Variants in PTPRN2 observed in about 807,000 individuals in gnomAD.
PTPRN2 encodes the protein receptor-type tyrosine-protein phosphatase N2.
In PTPRN2, 74 loss-of-function variants were observed where a neutral mutation model predicts 118.8. The observed-to-expected ratio is 0.62, with a 90% CI of 0.52 to 0.76. The LOEUF (loss-of-function observed/expected upper bound fraction) is 0.76. Among genes scored for constraint, PTPRN2 ranks in the 30% least tolerant of loss-of-function variants. The pLI is 0.00. For synonymous variants in PTPRN2, 641 were observed against 608.0 expected, an observed-to-expected ratio of 1.05 and a Z score of -0.80; for missense variants, 1,481 against 1,394.4, an observed-to-expected ratio of 1.06 and a Z score of -0.99.
At chr7:158,340,833 T>A (rs544642898) in intron 2 of PTPRN2, among the ~76,000 whole-genome samples, 2 of 82,116 alleles carry the variant, frequency 2.4e-5, no homozygotes, top group African/African-American at 1.0e-4. Flanking sequence ...ACACCCACAC[T>A]CTCACCATAA....
At chr7:157,701,578 G>A (rs184277559) in intron 12 of PTPRN2, among the ~76,000 whole-genome samples, 2 of 152,154 alleles carry the variant, frequency 1.3e-5, no homozygotes, top group Admixed American at 6.5e-5. Context: ...TTCCAGGGGC[G>A]TCTCCTCCTG....
chr7:158,317,997 C>T (rs957309441), intron 2 of PTPRN2, among the ~76,000 whole-genome samples: 1 of 152,320 alleles, frequency 6.6e-6, no homozygotes, highest in East Asian at 1.9e-4. Context: ...GCTGCGCGGG[C>T]GGGCGGACAA....
intron 2 of PTPRN2, among the ~76,000 whole-genome samples, chr7:158,447,735 G>T (rs573529303): frequency 6.6e-6 from 1 of 152,398 alleles, no homozygotes; most frequent in South Asian, 2.1e-4. Flanking sequence ...CAAGCGGGCA[G>T]TGAAGACGAA....
At chr7:158,359,046 T>G (rs1422991543) in intron 2 of PTPRN2, among the ~76,000 whole-genome samples, 1 of 152,172 alleles carries the variant, frequency 6.6e-6, no homozygotes, top group Non-Finnish European at 1.5e-5. Flanking sequence ...ACTATGAGGT[T>G]GATGATGAGC....
chr7:158,291,948 T>C (rs1563095199), intron 3 of PTPRN2, among the ~76,000 whole-genome samples: 3 of 152,248 alleles, frequency 2.0e-5, no homozygotes, highest in African/African-American at 7.2e-5. Flanking sequence ...TCTGCCCACA[T>C]GAGTCTAAAG....
chr7:157,614,033 C>T (rs1563263417), intron 15 of PTPRN2: 1 of 471,394 alleles, frequency 2.1e-6, no homozygotes, highest in Non-Finnish European at 4.4e-6. Context: ...AACGGGATGC[C>T]TTGGAAAGCA....
chr7:158,194,349 G>C lies in PTPRN2; in HGVS notation c.381-1854C>G, dbSNP rs553992434. On this transcript the variant is annotated intron_variant, in intron 4 of 22. Coordinates refer to ENST00000389418, the MANE Select transcript of PTPRN2 (RefSeq NM_002847.5). ...GCGTCATTTATGTCCATAAAAGAAC[G>C]GGCATCACCATTAAAAAGATGGGCC... 2.0e-5 allele frequency among the ~76,000 whole-genome samples: 3 copies of C among 152,258 alleles called. No homozygotes were observed. The South Asian group carries it at 6.2e-4, about 32-fold the overall frequency.
Position 157,596,599 on chromosome 7 carries a change from C to T in PTPRN2, c.2419-1284G>A, listed in dbSNP as rs1801352208. 6.6e-6 allele frequency among the ~76,000 whole-genome samples: 1 copy of T among 152,178 alleles called. No individual in the cohort carries two copies. The highest frequency in any genetic ancestry group is 6.5e-5 in the Admixed American group (1 of 15,286). ...TCTTCCAGAGGGCAAGCCCAGGCCA[C>T]CCTGCAAAGGACACGAAGATACCAG... On this transcript the variant is annotated intron_variant, in intron 16 of 22. Coordinates refer to ENST00000389418, the MANE Select transcript of PTPRN2 (RefSeq NM_002847.5). This position sits in a 1 kb window ranked among gnomAD's most constrained non-coding sequence, Gnocchi z 4.2.
intron 12 of PTPRN2, among the ~76,000 whole-genome samples, chr7:157,892,051 T>C (rs1796839966): frequency 6.6e-6 from 1 of 152,330 alleles, no homozygotes; most frequent in African/African-American, 2.4e-5. Flanking sequence ...GGCACCTCTG[T>C]GTCTATCACG....
intron 2 of PTPRN2, among the ~76,000 whole-genome samples, chr7:158,335,007 G>C (rs62480935): frequency 0.062 from 184 of 2,988 alleles, no homozygotes; most frequent in African/African-American, 0.24. Context: ...CACCCACACT[G>C]TCACCATAAG....
chr7:157,833,739 C>G (rs75198449), intron 12 of PTPRN2, among the ~76,000 whole-genome samples: 2 of 152,224 alleles, frequency 1.3e-5, no homozygotes, highest in African/African-American at 4.8e-5. Context: ...TGATCTTATC[C>G]GCTGCTTCAA....
chr7:158,475,628 A>G (rs1820200300), intron 2 of PTPRN2, among the ~76,000 whole-genome samples: 3 of 152,102 alleles, frequency 2.0e-5, no homozygotes, highest in Non-Finnish European at 4.4e-5. Flanking sequence ...GGTTTTTAGG[A>G]CATGCCCCTG....
At chr7:158,031,817 C>T (rs73171513) in intron 11 of PTPRN2, among the ~76,000 whole-genome samples, 11,257 of 152,206 alleles carry the variant, frequency 0.074, 486 homozygotes, top group African/African-American at 0.1. Context: ...AAAAGGTGGG[C>T]GGAAGTCAGA....
At chr7:157,568,770 C>T (rs1485795472) in intron 21 of PTPRN2, 132 bp downstream of exon 21, 1 of 873,386 alleles carries the variant, frequency 1.1e-6, no homozygotes. Flanking sequence ...AAACCACCTT[C>T]CTACGGCCCA....
intron 9 of PTPRN2, among the ~76,000 whole-genome samples, chr7:158,130,809 AAC>A (rs779020357): frequency 2.1e-5 from 3 of 145,408 alleles, no homozygotes; most frequent in East Asian, 2.1e-4. Context: ...TCATCTACCC[AAC>A]ACACACACAT....
intron 2 of PTPRN2, among the ~76,000 whole-genome samples, chr7:158,395,787 CGAGGGGT>C (rs1415937442): frequency 2.1e-5 from 2 of 95,560 alleles, no homozygotes; most frequent in African/African-American, 8.2e-5. Flanking sequence ...GCGCGAGGGG[CGAGGGGT>C]GAGGCGCGAG....
chr7:158,148,967 A>T (rs1820540139), intron 6 of PTPRN2, among the ~76,000 whole-genome samples: 5 of 114,626 alleles, frequency 4.4e-5, no homozygotes, highest in Non-Finnish European at 9.0e-5. Flanking sequence ...TTTCCCCTTC[A>T]ATGACACCCC....
At chr7:158,146,780 G>C (rs1037063951) in intron 6 of PTPRN2, among the ~76,000 whole-genome samples, 14 of 149,510 alleles carry the variant, frequency 9.4e-5, no homozygotes, top group East Asian at 7.7e-4. Context: ...TCATTTTCTT[G>C]AGGGCTACAA....
At chr7:158,302,366 C>G (rs1003387955) in intron 3 of PTPRN2, among the ~76,000 whole-genome samples, 2 of 152,230 alleles carry the variant, frequency 1.3e-5, no homozygotes, top group African/African-American at 4.8e-5. Flanking sequence ...AAAGGCCTAG[C>G]CCCCAGCCTT....
Sources: gnomAD v4.1 joint callset for allele counts (sites outside exome capture counted in the v4.1 genomes callset) on GRCh38, gnomAD v4.1.1 for gene constraint, Gnocchi (gnomAD v3.1) non-coding constraint, MANE v1.5 for transcripts, NCBI Gene and HGNC (gene_info 2026-07-23, HGNC 2026-07-21) for gene names.